The following BTRC variants were observed in gnomAD, a reference collection of about 807,000 sequenced individuals.
BTRC encodes F-box/WD repeat-containing protein 1A.
Under a neutral mutation model 85.5 loss-of-function variants are expected in BTRC, and 42 were observed. The ratio of observed to expected loss-of-function variants is 0.49; its 90% CI spans 0.38 to 0.64. BTRC has a LOEUF of 0.64. Among genes scored for constraint, BTRC ranks in the 30% least tolerant of loss-of-function variants. The pLI, the probability that BTRC is intolerant of heterozygous loss-of-function variation, is 0.00. For synonymous variants in BTRC, 255 were observed against 263.3 expected (o/e 0.97, Z 0.30); for missense variants, 594 against 743.5 (o/e 0.80, Z 2.34).
intron 4 of BTRC, among the ~76,000 whole-genome samples, chr10:101,503,470 G>GA (rs1459798814): frequency 1.3e-5 from 2 of 152,224 alleles, no homozygotes; most frequent in Admixed American, 6.5e-5. Flanking sequence ...CACCTGTGCT[G>GA]AAAAAACAGA....
intron 7 of BTRC, 21 bp downstream of exon 7, chr10:101,531,354 G>A (rs188592989): frequency 9.1e-6 from 14 of 1,533,072 alleles, no homozygotes; most frequent in Non-Finnish European, 1.3e-5. Context: ...ATGTATTTTG[G>A]GGTATTGCCC....
At chr10:101,376,902 C>A (rs919175310) in intron 1 of BTRC, among the ~76,000 whole-genome samples, 1 of 152,110 alleles carries the variant, frequency 6.6e-6, no homozygotes, top group Non-Finnish European at 1.5e-5. Context: ...TATATTTATT[C>A]ATGCCTGCTG....
chr10:101,527,882 A>C (rs1242887480), intron 6 of BTRC, among the ~76,000 whole-genome samples: 3 of 152,234 alleles, frequency 2.0e-5, no homozygotes, highest in African/African-American at 7.2e-5. Flanking sequence ...ACATAGAAAA[A>C]TAGAAATCTT....
intron 2 of BTRC, among the ~76,000 whole-genome samples, chr10:101,452,652 G>A (rs1226155897): frequency 6.6e-6 from 1 of 152,142 alleles, no homozygotes; most frequent in Non-Finnish European, 1.5e-5. Flanking sequence ...GTCCTCTTTG[G>A]TTGTCCCAGA....
chr10:101,526,002 C>G lies in BTRC; in HGVS notation c.557-11C>G, dbSNP rs756647532. 9.3e-6 allele frequency: 15 copies of G among 1,611,124 alleles called. No individual in the cohort carries two copies. Among genetic ancestry groups the G allele is most frequent in the African/African-American group, 1.3e-5 (1 of 74,884 alleles). ...GTGTTCTTTTTCTTTGCCTCCTCCC[C>G]CTACTGAAAGCTCGGGGATTGGATC... On this transcript the variant is annotated splice_polypyrimidine_tract_variant and intron_variant, in intron 5 of 14. Coordinates refer to ENST00000370187, the MANE Select transcript of BTRC (RefSeq NM_033637.4).
At chr10:101,469,861 G>T (rs527435695) in intron 3 of BTRC, among the ~76,000 whole-genome samples, 21 of 152,136 alleles carry the variant, frequency 1.4e-4, no homozygotes, top group Non-Finnish European at 2.9e-4. Context: ...ATATTTTTGG[G>T]GTCTGACATT....
At chr10:101,371,733 C>G (rs1488373960) in intron 1 of BTRC, among the ~76,000 whole-genome samples, 6 of 152,174 alleles carry the variant, frequency 3.9e-5, no homozygotes, top group Non-Finnish European at 8.8e-5. Context: ...ACAAGTACCT[C>G]TTCAAGTCCG....
chr10:101,525,794 A>G (rs913202557), intron 5 of BTRC, among the ~76,000 whole-genome samples: 4 of 152,124 alleles, frequency 2.6e-5, no homozygotes, highest in Non-Finnish European at 5.9e-5. Flanking sequence ...CCTTATCTAA[A>G]GGAAGATGGA....
intron 1 of BTRC, among the ~76,000 whole-genome samples, chr10:101,366,781 TA>T (rs372553291): frequency 0.022 from 2,286 of 103,936 alleles, 60 homozygotes; most frequent in East Asian, 0.044. Flanking sequence ...TATATATATA[TA>T]TATATATTTT....
Position 101,419,771 on chromosome 10 carries a change from A to G in BTRC, c.49-10574A>G, listed in dbSNP as rs187387480. Among the ~76,000 whole-genome samples the G allele has an allele frequency of 3.5e-3, 537 of 152,188 alleles. 3 individuals carry two copies. The highest frequency in any genetic ancestry group is 0.012 in the African/African-American group (516 of 41,534). ...CCTGCTACCGTTATCCATTATTATC[A>G]TTATTTAGTTTGATATTCTAATTTT... On this transcript the variant is annotated intron_variant, in intron 1 of 14. Transcript: ENST00000370187.
chr10:101,361,019 T>C (rs1942190312), intron 1 of BTRC, among the ~76,000 whole-genome samples: 1 of 152,032 alleles, frequency 6.6e-6, no homozygotes, highest in African/African-American at 2.4e-5. Flanking sequence ...TTGCCCAGGC[T>C]GGTCTGGAAC....
At chr10:101,434,880 C>A (rs1335243280) in intron 2 of BTRC, among the ~76,000 whole-genome samples, 3 of 151,686 alleles carry the variant, frequency 2.0e-5, no homozygotes, top group Non-Finnish European at 2.9e-5. Context: ...GGTGATCTGC[C>A]CACCTCGGCC....
chr10:101,455,983 A>AACATACACACACAC (rs1554881060), intron 2 of BTRC, among the ~76,000 whole-genome samples: 1 of 96,000 alleles, frequency 1.0e-5, no homozygotes, highest in African/African-American at 4.6e-5. Flanking sequence ...CTCTACTAAA[A>AACATACACACACAC]ACACACACAC....
In BTRC at chr10:101,379,086, A is replaced by G. The variant is rs1344118990; in HGVS notation, c.48+24858A>G. ...TTAAAAACAATTTAAAAGCTAGTCA[A>G]ATTAATTGAGAAGAATCCTGCTTTA... On this transcript the variant is annotated intron_variant, in intron 1 of 14. Transcript: ENST00000370187. Among the ~76,000 whole-genome samples the G allele has an allele frequency of 3.3e-5, 5 of 152,366 alleles. No homozygotes were observed. In the South Asian group the frequency reaches 6.2e-4, roughly 19 times the overall value.
At position 101,367,172 on chromosome 10, in the gene BTRC, G is replaced by A. The variant is rs113879352; in HGVS notation, c.48+12944G>A. On this transcript the variant is annotated intron_variant, in intron 1 of 14. Transcript: ENST00000370187. The stretch of plus-strand genomic sequence containing the variant: ...TGCATCGTCTGCCTCCCAGGTTCAA[G>A]CCATTCTCCTACCTCAGCCTCCCCA... Among the ~76,000 whole-genome samples the A allele has an allele frequency of 4.5e-3, 652 of 145,640 alleles. 7 individuals carry two copies. Among genetic ancestry groups the A allele is most frequent in the African/African-American group, 0.016 (610 of 39,314 alleles).
intron 12 of BTRC, among the ~76,000 whole-genome samples, chr10:101,537,068 C>A (rs561347737): frequency 6.6e-6 from 1 of 152,260 alleles, no homozygotes; most frequent in East Asian, 1.9e-4. Context: ...TTTTTTATCT[C>A]TTTGAGTAAT....
chr10:101,447,884 CT>C (rs35502696), intron 2 of BTRC, among the ~76,000 whole-genome samples: 39,953 of 151,906 alleles, frequency 0.26, 6,325 homozygotes, highest in South Asian at 0.4. Context: ...TTGTTTATCA[CT>C]TTTTTTCTTT....
intron 1 of BTRC, among the ~76,000 whole-genome samples, chr10:101,393,762 A>G (rs1943295668): frequency 6.6e-6 from 1 of 152,196 alleles, no homozygotes; most frequent in Admixed American, 6.5e-5. Context: ...ACCCTGGAGG[A>G]TCATCTTGCC....
At chr10:101,532,783 TGTGTGTGCGCGTGTGC>T (rs1383661069) in intron 8 of BTRC, among the ~76,000 whole-genome samples, 153 bp from the exon 9 acceptor site, 3 of 80,010 alleles carry the variant, frequency 3.7e-5, no homozygotes, top group African/African-American at 3.0e-4. Context: ...TGTGTGTGTG[TGTGTGTGCGCGTGTGC>T]GCGCGCGCGC....
Sources: gnomAD v4.1 joint callset for allele counts (sites outside exome capture counted in the v4.1 genomes callset) on GRCh38, gnomAD v4.1.1 for gene constraint, MANE v1.5 for transcripts, NCBI Gene and HGNC (gene_info 2026-07-23, HGNC 2026-07-21) for gene names.